MADD: variants seen among roughly 807,000 people sequenced by gnomAD.
The protein encoded by MADD is MAP kinase-activating death domain protein.
A neutral mutation model predicts 176.7 loss-of-function variants in MADD; 109 were observed. The ratio of observed to expected loss-of-function variants is 0.62; its 90% CI spans 0.53 to 0.72. MADD has a LOEUF of 0.72. MADD is among the 30% of genes least tolerant of loss of function. The pLI, the probability that MADD is intolerant of heterozygous loss-of-function variation, is 0.00. For synonymous variants in MADD, 771 were observed against 771.3 expected (o/e 1.00, Z 0.01); for missense variants, 1,914 against 2,045.5 (o/e 0.94, Z 1.24).
intron 15 of MADD, among the ~76,000 whole-genome samples, chr11:47,288,636 A>G (rs1025832281): frequency 6.6e-6 from 1 of 152,164 alleles, no homozygotes; most frequent in Non-Finnish European, 1.5e-5. Context: ...GCTTCCCTGC[A>G]CATACCCTCA....
exon 16 of MADD, chr11:47,289,443 A>T: frequency 6.2e-7 from 1 of 1,614,194 alleles, no homozygotes; most frequent in Non-Finnish European, 8.5e-7. Flanking sequence ...AACACAGCCC[A>T]ACAGTGAAAA....
At chr11:47,289,619 C>G in intron 16 of MADD, 126 bp downstream of exon 17, 2 of 871,778 alleles carry the variant, frequency 2.3e-6, no homozygotes, top group Non-Finnish European at 3.7e-6. Flanking sequence ...CAATTTCTTG[C>G]CAGCACTTCT....
chr11:47,288,882 C>T, intron 15 of MADD, 86 bp from the exon 16 acceptor site: 2 of 989,130 alleles, frequency 2.0e-6, no homozygotes, highest in Non-Finnish European at 3.1e-6. Context: ...GGAGAATGCT[C>T]AGATTATCTG....
intron 28 of MADD, 89 bp from the exon 32 acceptor site, chr11:47,324,176 A>G (rs2095059573): frequency 1.7e-6 from 2 of 1,207,184 alleles, no homozygotes; most frequent in East Asian, 4.9e-5. Flanking sequence ...CCTCACTTCA[A>G]CCTCCAGCCT....
At chr11:47,308,484 G>T in intron 22 of MADD, 107 bp from the exon 25 acceptor site, 1 of 700,146 alleles carries the variant, frequency 1.4e-6, no homozygotes, top group Non-Finnish European at 2.5e-6. Flanking sequence ...AGTTTATGTT[G>T]CTAATGGATG....
At chr11:47,322,966 G>A (rs927195653) in intron 27 of MADD, among the ~76,000 whole-genome samples, 6 of 152,100 alleles carry the variant, frequency 3.9e-5, no homozygotes, top group Non-Finnish European at 5.9e-5. Flanking sequence ...GGCCGGGCGC[G>A]GTGGCTCACG....
chr11:47,323,816 A>G (rs1565575571), exon 28 of MADD: 1 of 1,614,228 alleles, frequency 6.2e-7, no homozygotes, highest in Non-Finnish European at 8.5e-7. Flanking sequence ...ACCCAGCTCA[A>G]CAAGTTCTAT....
At chr11:47,278,302 G>A (rs1191068812) in intron 6 of MADD, 24 bp downstream of exon 6, 2 of 1,540,360 alleles carry the variant, frequency 1.3e-6, no homozygotes, top group Admixed American at 3.3e-5. Flanking sequence ...CTGAGGCATT[G>A]TAGAGTCTAG....
chr11:47,276,255 A>G, intron 4 of MADD, 53 bp downstream of exon 4: 1 of 1,518,358 alleles, frequency 6.6e-7, no homozygotes, highest in Non-Finnish European at 8.9e-7. Flanking sequence ...TAAATATGCC[A>G]GTGGCCAGAC....
chr11:47,308,602 C>T, exon 23 of MADD: 1 of 1,613,728 alleles, frequency 6.2e-7, no homozygotes, highest in Non-Finnish European at 8.5e-7. Context: ...GTAAAGCCCA[C>T]AGCTTGAAGC....
exon 29 of MADD, chr11:47,324,312 C>T (rs754279028): frequency 2.8e-5 from 45 of 1,614,040 alleles, no homozygotes; most frequent in Middle Eastern, 1.6e-4. Context: ...AGCGCGCTGC[C>T]GCCCGACAGC....
chr11:47,296,764 GT>G (rs753454831), intron 22 of MADD, among the ~76,000 whole-genome samples: 184 of 116,896 alleles, frequency 1.6e-3, no homozygotes, highest in Non-Finnish European at 2.4e-3. Flanking sequence ...GTTTTTTGTT[GT>G]TTTTTTTTTT....
intron 6 of MADD, among the ~76,000 whole-genome samples, 167 bp from the exon 7 acceptor site, chr11:47,278,832 A>G (rs191527704): frequency 1.0e-3 from 155 of 152,342 alleles, no homozygotes; most frequent in African/African-American, 3.5e-3. Flanking sequence ...TTTCAGATGC[A>G]TATGTATGTC....
chr11:47,309,976 C>T (rs914086951), intron 25 of MADD, among the ~76,000 whole-genome samples: 4 of 149,780 alleles, frequency 2.7e-5, no homozygotes, highest in African/African-American at 7.4e-5. Flanking sequence ...CAAGTAGCTG[C>T]GATTACAGGC....
intron 1 of MADD, among the ~76,000 whole-genome samples, chr11:47,273,395 G>C (rs2046690270): frequency 6.6e-6 from 1 of 151,954 alleles, no homozygotes; most frequent in Non-Finnish European, 1.5e-5. Context: ...CTCGAGTGCA[G>C]TGGTGCGATC....
chr11:47,295,783 C>G (rs2071020393), intron 21 of MADD, 114 bp from the exon 24 acceptor site: 1 of 1,524,578 alleles, frequency 6.6e-7, no homozygotes. Context: ...CAGAGGCTAT[C>G]TGACACACTT....
At chr11:47,270,290 G>A (rs993733498) in intron 1 of MADD, 44 bp downstream of exon 1, 1 of 152,170 alleles carries the variant, frequency 6.6e-6, no homozygotes, top group African/African-American at 2.4e-5. Context: ...AGCGTCTGGG[G>A]ACTCCGAGCG....
In MADD at chr11:47,324,993, C is replaced by CA. The variant is rs1370085075; in HGVS notation, c.4542+417dup. The CA allele has an allele frequency of 1.1e-5, 6 of 561,290 alleles. No individual in the cohort carries two copies. The African/African-American group carries it at 1.1e-4, about 11-fold the overall frequency. The allele number at this position is 561,290 out of a possible 1,614,324, so 34.8% of individuals were successfully genotyped here. ...TCCTTGTGTCTTTCTGGTGTGCGTG[C>CA]AGCTTGCGTGTGCGTGCGTGCGTGC... On this transcript the variant is annotated intron_variant, in intron 30 of 32. Transcript: ENST00000402192.
Position 47,278,996 on chromosome 11 carries a change from C to T in MADD, c.1210-3C>T. On this transcript the variant is annotated splice_polypyrimidine_tract_variant and splice_region_variant and intron_variant, in intron 6 of 32. Coordinates refer to ENST00000402192, the Ensembl canonical transcript of MADD. ...CACGTCTTTTATCATTTCTCTGGTG[C>T]AGGTGATTGCCCCCACCAATGCAGA... 1 of 1,613,226 alleles carries T rather than the reference C, an allele frequency of 6.2e-7. No individual in the cohort carries two copies. The highest frequency in any genetic ancestry group is 8.5e-7 in the Non-Finnish European group (1 of 1,179,270).
Sources: allele counts gnomAD v4.1 joint callset (sites outside exome capture counted in the v4.1 genomes callset), GRCh38; gene constraint gnomAD v4.1.1; transcripts MANE v1.5; gene names NCBI Gene and HGNC (gene_info 2026-07-23, HGNC 2026-07-21).